METTL24: variants seen among roughly 807,000 people sequenced by gnomAD.
METTL24 encodes probable methyltransferase-like protein 24.
Under a neutral mutation model 32.7 loss-of-function variants are expected in METTL24, and 29 were observed. The ratio of observed to expected loss-of-function variants is 0.89; its 90% CI spans 0.66 to 1.21. The LOEUF is 1.21. Among genes scored for constraint, METTL24 ranks in the 50% most tolerant of loss-of-function variants. The pLI, the probability that METTL24 is intolerant of heterozygous loss-of-function variation, is 0.00. For synonymous variants in METTL24, 163 were observed against 179.5 expected (o/e 0.91, Z 0.73); for missense variants, 439 against 468.1 (o/e 0.94, Z 0.57).
rs540352876 is a variant in METTL24, at chr6:110,244,008, T to C, written c.*1938A>G. On this transcript the variant is annotated 3_prime_UTR_variant, in exon 5 of 5. Transcript: ENST00000338882. ...TGCACGTGTTTAATCCTGTAAATAG[T>C]AATGAGAGAGAGCATTTGAACCGCT... is the stretch of plus-strand genomic sequence containing the variant. Among the ~76,000 whole-genome samples, 3 of 152,320 alleles carry C rather than the reference T, an allele frequency of 2.0e-5. No individual in the cohort carries two copies. The South Asian group carries it at 6.2e-4, about 32-fold the overall frequency.
rs149707673 is a variant in METTL24 at position 110,338,149 on chromosome 6, T to C, written c.319-15277A>G. 3.9e-3 allele frequency among the ~76,000 whole-genome samples: 599 copies of C among 152,280 alleles called. 5 individuals are homozygous for C. The highest frequency in any genetic ancestry group is 0.013 in the African/African-American group (560 of 41,556). On this transcript the variant is annotated intron_variant, in intron 1 of 4. Transcript: ENST00000338882. ...ACTAACTGGACTTTATAGTAATACC[T>C]TAATCTAGCTAAATATACATACTCT...
chr6:110,259,108 AGACAGTGGGTGCAG>A (rs944512871), intron 4 of METTL24, among the ~76,000 whole-genome samples: 4 of 152,128 alleles, frequency 2.6e-5, no homozygotes, highest in African/African-American at 7.2e-5. Flanking sequence ...GGGGACTGTC[AGACAGTGGGTGCAG>A]GACAGTGGGT....
intron 4 of METTL24, among the ~76,000 whole-genome samples, chr6:110,253,622 A>G (rs1778325202): frequency 6.6e-6 from 1 of 152,154 alleles, no homozygotes; most frequent in Non-Finnish European, 1.5e-5. Flanking sequence ...TAGATAAACA[A>G]AAAAAGAAGT....
In METTL24 at chr6:110,323,260, G is replaced by A. The variant is rs113735986; in HGVS notation, c.319-388C>T. On this transcript the variant is annotated intron_variant, in intron 1 of 4. Coordinates refer to ENST00000338882, the MANE Select transcript of METTL24 (RefSeq NM_001123364.3). ...CCCTTATCGACGACAGTCTCCCAAA[G>A]CTTAGAGCTTCAAGAATATGTGCCT... Among the ~76,000 whole-genome samples, 187 of 152,336 alleles carry A rather than the reference G, an allele frequency of 1.2e-3. 2 individuals are homozygous for A. Among genetic ancestry groups the A allele is most frequent in the African/African-American group, 4.3e-3 (179 of 41,574 alleles).
intron 1 of METTL24, among the ~76,000 whole-genome samples, chr6:110,348,416 C>G (rs565476536): frequency 6.6e-6 from 1 of 152,222 alleles, no homozygotes; most frequent in Non-Finnish European, 1.5e-5. Flanking sequence ...CTAGATCCCA[C>G]GTATTACTTT....
At position 110,261,023 on chromosome 6, in the gene METTL24, TA is replaced by T. The variant is rs561805408; in HGVS notation, c.787-14764del. ...GCCACTGCAAAAACATGCCAAATTGTAAAGACCATCAAGGCTAGGAAGAAAC... is the reference window on the plus strand; with the variant it reads ...GCCACTGCAAAAACATGCCAAATTGTAAGACCATCAAGGCTAGGAAGAAAC... On this transcript the variant is annotated intron_variant, in intron 4 of 4. Coordinates refer to ENST00000338882, the MANE Select transcript of METTL24 (RefSeq NM_001123364.3). 5.4e-3 allele frequency among the ~76,000 whole-genome samples: 819 copies of T among 152,220 alleles called. 6 individuals are homozygous for T. Among genetic ancestry groups the T allele is most frequent in the African/African-American group, 0.019 (801 of 41,540 alleles).
chr6:110,319,009 A>AT (rs987558978), intron 2 of METTL24, among the ~76,000 whole-genome samples: 2 of 152,180 alleles, frequency 1.3e-5, no homozygotes, highest in Admixed American at 6.5e-5. Context: ...ATTTTGTGAA[A>AT]TTTTTTTAAT....
chr6:110,256,086 G>A (rs1198551319), intron 4 of METTL24, among the ~76,000 whole-genome samples: 1 of 152,116 alleles, frequency 6.6e-6, no homozygotes, highest in Non-Finnish European at 1.5e-5. Flanking sequence ...GCAGTGAGTG[G>A]GGTCAAGTGT....
At chr6:110,338,387 A>G (rs1772283222) in intron 1 of METTL24, among the ~76,000 whole-genome samples, 1 of 152,258 alleles carries the variant, frequency 6.6e-6, no homozygotes, top group African/African-American at 2.4e-5. Context: ...AATACCAGCT[A>G]CTCAGGAAGC....
chr6:110,274,930 C>G (rs1281774331), intron 4 of METTL24, among the ~76,000 whole-genome samples: 2 of 150,912 alleles, frequency 1.3e-5, no homozygotes, highest in Non-Finnish European at 2.9e-5. Flanking sequence ...TCCCGAGGAT[C>G]TAAGACTACA....
intron 1 of METTL24, among the ~76,000 whole-genome samples, chr6:110,355,471 T>C (rs1470633608): frequency 6.6e-6 from 1 of 152,176 alleles, no homozygotes; most frequent in Non-Finnish European, 1.5e-5. Flanking sequence ...TTTACTTTTT[T>C]CCCTAATTTA....
At chr6:110,253,862 C>T in intron 4 of METTL24, 2 of 1,410,476 alleles carry the variant, frequency 1.4e-6, no homozygotes, top group Non-Finnish European at 1.9e-6. Context: ...ATAAATTTTC[C>T]TCTAAAATTT....
At chr6:110,291,702 A>G (rs1231533597) in intron 4 of METTL24, among the ~76,000 whole-genome samples, 2 of 151,706 alleles carry the variant, frequency 1.3e-5, no homozygotes, top group Non-Finnish European at 2.9e-5. Context: ...CCCACCCTCC[A>G]CCCTCTGATA....
chr6:110,322,371 G>C (rs546085582), intron 2 of METTL24, among the ~76,000 whole-genome samples: 9 of 152,220 alleles, frequency 5.9e-5, no homozygotes, highest in Non-Finnish European at 1.3e-4. Flanking sequence ...TGACAGAAGA[G>C]TGGAAAGGCA....
intron 1 of METTL24, among the ~76,000 whole-genome samples, chr6:110,344,877 C>A (rs1264060581): frequency 1.3e-5 from 2 of 152,216 alleles, no homozygotes; most frequent in African/African-American, 2.4e-5. Context: ...CGAGCAAAGA[C>A]TTCATGACAA....
rs115715042 is a variant in METTL24, at chr6:110,288,030, T to C, written c.786+10892A>G. ...AGTACAGAAATCAGATACGATAGGC[T>C]GCATGGGAATAAAAACAATGAAACT... On this transcript the variant is annotated intron_variant, in intron 4 of 4. Coordinates refer to ENST00000338882, the MANE Select transcript of METTL24 (RefSeq NM_001123364.3). Among the ~76,000 whole-genome samples the C allele has an allele frequency of 1.8e-3, 272 of 152,308 alleles. 3 individuals are homozygous for C. Among genetic ancestry groups the C allele is most frequent in the African/African-American group, 6.3e-3 (261 of 41,564 alleles).
chr6:110,260,883 G>T (rs1375511755), intron 4 of METTL24, among the ~76,000 whole-genome samples: 1 of 152,110 alleles, frequency 6.6e-6, no homozygotes, highest in African/African-American at 2.4e-5. Context: ...ATAAGTGAAG[G>T]AGAAATAAAA....
chr6:110,333,420 A>G (rs970087894), intron 1 of METTL24, among the ~76,000 whole-genome samples: 6 of 152,046 alleles, frequency 3.9e-5, no homozygotes, highest in Non-Finnish European at 8.8e-5. Context: ...TTTGTATTTT[A>G]TTGGCATATT....
chr6:110,355,534 A>G (rs1333118620), intron 1 of METTL24, among the ~76,000 whole-genome samples: 1 of 152,144 alleles, frequency 6.6e-6, no homozygotes, highest in African/African-American at 2.4e-5. Flanking sequence ...TCTCTTTGTT[A>G]GCCACACTCA....
Sources: gnomAD v4.1 joint callset for allele counts (sites outside exome capture counted in the v4.1 genomes callset) on GRCh38, gnomAD v4.1.1 for gene constraint, MANE v1.5 for transcripts, NCBI Gene and HGNC (gene_info 2026-07-23, HGNC 2026-07-21) for gene names.